PAPPA2: variants seen among roughly 807,000 people sequenced by gnomAD.
The protein encoded by PAPPA2 is pappalysin 2, also known as pappalysin-2.
PAPPA2 carries 86 observed loss-of-function variants against 176.4 expected under a neutral mutation model. The observed-to-expected ratio is 0.49, with a 90% confidence interval of 0.41 to 0.58. The LOEUF (loss-of-function observed/expected upper bound fraction) is 0.58, where lower values mean the gene tolerates loss of function less well. Among genes scored for constraint, PAPPA2 ranks in the 20% least tolerant of loss-of-function variants. The pLI is 0.00. For missense variants in PAPPA2, 2,073 were observed against 2,256.9 expected, an observed-to-expected ratio of 0.92 and a Z score of 1.65; for synonymous variants, 809 against 852.2, an observed-to-expected ratio of 0.95 and a Z score of 0.88.
At chr1:176,757,579 G>A (rs1454735571) in intron 14 of PAPPA2, among the ~76,000 whole-genome samples, 1 of 152,116 alleles carries the variant, frequency 6.6e-6, no homozygotes, top group Non-Finnish European at 1.5e-5. Context: ...ATTTGTTTAA[G>A]TTCTTTGTAG....
In PAPPA2 at chr1:176,595,200, C is replaced by A; in HGVS notation, c.1596C>A (p.Ile532=). The part of the protein sequence containing the change: ...EKVIRYQVVN[I]CDDEGLNPIV... ...TGATACGCTACCAGGTGGTGAACAT[C>A]TGTGATGATGAGGGCCTAAACCCCA... The change falls in exon 3 of 23, where the codon ATC becomes ATA. Residue 532 remains isoleucine, a synonymous_variant. Coordinates refer to ENST00000367662, the MANE Select transcript of PAPPA2 (RefSeq NM_020318.3). The A allele has an allele frequency of 6.2e-7, 1 of 1,614,210 alleles. No homozygotes were observed. Among genetic ancestry groups the A allele is most frequent in the Non-Finnish European group, 8.5e-7 (1 of 1,180,042 alleles).
At chr1:176,732,521 A>G (rs1662209825) in intron 12 of PAPPA2, among the ~76,000 whole-genome samples, 1 of 152,216 alleles carries the variant, frequency 6.6e-6, no homozygotes, top group Non-Finnish European at 1.5e-5. Flanking sequence ...AATATGGTGA[A>G]TGAAAGTATT....
At chr1:176,665,769 A>G (rs1420029950) in intron 3 of PAPPA2, among the ~76,000 whole-genome samples, 10 of 152,152 alleles carry the variant, frequency 6.6e-5, no homozygotes, top group Admixed American at 5.2e-4. Flanking sequence ...AAATCTACTC[A>G]TAGAAAAACA....
intron 1 of PAPPA2, among the ~76,000 whole-genome samples, chr1:176,504,356 A>G (rs1280803632): frequency 6.6e-6 from 1 of 152,158 alleles, no homozygotes; most frequent in African/African-American, 2.4e-5. Context: ...TTCTTTTAGA[A>G]TATTTCTATG....
At chr1:176,666,262 A>G (rs143010317) in intron 3 of PAPPA2, among the ~76,000 whole-genome samples, 247 of 152,268 alleles carry the variant, frequency 1.6e-3, no homozygotes, top group African/African-American at 5.7e-3. Flanking sequence ...ATGCAACAAG[A>G]GGTTCCAATA....
chr1:176,521,363 A>G (rs1055406965), intron 1 of PAPPA2, among the ~76,000 whole-genome samples: 21 of 152,108 alleles, frequency 1.4e-4, no homozygotes, highest in Admixed American at 1.1e-3. Flanking sequence ...CCACCCTGTG[A>G]GGAAGCCCAA....
intron 3 of PAPPA2, among the ~76,000 whole-genome samples, chr1:176,646,043 C>CT (rs1657380840): frequency 1.3e-5 from 2 of 151,442 alleles, no homozygotes; most frequent in South Asian, 4.1e-4. Context: ...TATGGGTTGT[C>CT]TTTTCACTAG....
rs1456528878 is a variant in PAPPA2, at chr1:176,671,026, T to C, written c.2048T>C (p.Phe683Ser). ...KEALQLNSTH[F>S]LNIYFASSVR... ...GCCCTGCAGCTGAACAGTACTCACTTCCTCAACATCTACTTTGCCAGCTCA... is the reference window on the plus strand; with the variant it reads ...GCCCTGCAGCTGAACAGTACTCACTCCCTCAACATCTACTTTGCCAGCTCA... The change falls in exon 4 of 23, where the codon TTC becomes TCC. Residue 683 changes from phenylalanine to serine, a missense_variant. Around this residue, in one of 4 missense-constraint regions of PAPPA2, gnomAD observed 1,196 missense variants for 1,330.4 expected, o/e 0.90. Coordinates refer to ENST00000367662, the MANE Select transcript of PAPPA2 (RefSeq NM_020318.3). 1 of 1,614,012 alleles carries C rather than the reference T, an allele frequency of 6.2e-7. No individual in the cohort carries two copies. Among genetic ancestry groups the C allele is most frequent in the Admixed American group, 1.7e-5 (1 of 60,010 alleles).
intron 4 of PAPPA2, among the ~76,000 whole-genome samples, chr1:176,676,773 T>C (rs959142417): frequency 1.3e-5 from 2 of 151,940 alleles, no homozygotes; most frequent in African/African-American, 4.8e-5. Context: ...TAAAAACTGG[T>C]GAAATCTGAT....
intron 21 of PAPPA2, among the ~76,000 whole-genome samples, chr1:176,835,534 T>G (rs184807801): frequency 3.2e-4 from 49 of 152,272 alleles, no homozygotes; most frequent in African/African-American, 1.1e-3. Flanking sequence ...TGTTGTTGTT[T>G]TTGAGACGGA....
chr1:176,522,659 G>A (rs1649275798), intron 1 of PAPPA2, among the ~76,000 whole-genome samples: 2 of 152,204 alleles, frequency 1.3e-5, no homozygotes, highest in South Asian at 4.1e-4. Flanking sequence ...TTAGGCAAGA[G>A]GAAAAGCAAA....
chr1:176,740,233 T>A, intron 14 of PAPPA2, 37 bp downstream of exon 14: 1 of 1,576,196 alleles, frequency 6.3e-7, no homozygotes, highest in Non-Finnish European at 8.7e-7. Flanking sequence ...TTTCCTTTTC[T>A]TGTGGCTCTA....
intron 1 of PAPPA2, among the ~76,000 whole-genome samples, chr1:176,532,721 T>A (rs1049608489): frequency 6.6e-6 from 1 of 152,174 alleles, no homozygotes; most frequent in Non-Finnish European, 1.5e-5. Context: ...TTCTGGCTGC[T>A]TCCAGGCATG....
chr1:176,508,809 C>T (rs974361301), intron 1 of PAPPA2, among the ~76,000 whole-genome samples: 87 of 151,976 alleles, frequency 5.7e-4, no homozygotes, highest in Non-Finnish European at 3.1e-4. Flanking sequence ...CCCCCTTCAC[C>T]CTCTCCCTCC....
chr1:176,727,857 A>G (rs1661956595), intron 12 of PAPPA2, among the ~76,000 whole-genome samples: 1 of 152,044 alleles, frequency 6.6e-6, no homozygotes, highest in Non-Finnish European at 1.5e-5. Flanking sequence ...AATTAGTAGC[A>G]AGATATCTAG....
At chr1:176,479,337 G>T (rs533298950) in intron 1 of PAPPA2, among the ~76,000 whole-genome samples, 1 of 152,246 alleles carries the variant, frequency 6.6e-6, no homozygotes, top group Non-Finnish European at 1.5e-5. Flanking sequence ...TGGATGGAAG[G>T]TGGGAGAAGC....
At chr1:176,519,204 T>G (rs1240310545) in intron 1 of PAPPA2, among the ~76,000 whole-genome samples, 2 of 152,160 alleles carry the variant, frequency 1.3e-5, no homozygotes, top group Non-Finnish European at 2.9e-5. Context: ...CTGCTCTTTA[T>G]CAGCCAACTC....
chr1:176,517,891 G>A (rs1205141874), intron 1 of PAPPA2, among the ~76,000 whole-genome samples: 4 of 151,712 alleles, frequency 2.6e-5, no homozygotes, highest in Admixed American at 6.6e-5. Context: ...GGAAATTTTT[G>A]AAAGCAGGTT....
At chr1:176,571,337 G>T (rs971720720) in intron 2 of PAPPA2, among the ~76,000 whole-genome samples, 1 of 152,212 alleles carries the variant, frequency 6.6e-6, no homozygotes, top group East Asian at 1.9e-4. Context: ...GGAGTCTGAA[G>T]GTCTGGATTC....
Sources: allele counts gnomAD v4.1 joint callset (sites outside exome capture counted in the v4.1 genomes callset), GRCh38; gene constraint gnomAD v4.1.1; regional missense constraint gnomAD v4.1.1; transcripts MANE v1.5; gene names NCBI Gene and HGNC (gene_info 2026-07-23, HGNC 2026-07-21).